ROBO2: variants seen among roughly 807,000 people sequenced by gnomAD.
ROBO2 encodes the protein roundabout guidance receptor 2.
A neutral mutation model predicts 160.8 loss-of-function variants in ROBO2; 53 were observed. The ratio of observed to expected loss-of-function variants is 0.33; its 90% CI spans 0.26 to 0.41. ROBO2 has a LOEUF of 0.41. Among genes scored for constraint, ROBO2 ranks in the 10% least tolerant of loss-of-function variants. The pLI is 1.00. For synonymous variants in ROBO2, 664 were observed against 611.7 expected, an observed-to-expected ratio of 1.09 and a Z score of -1.26; for missense variants, 1,577 against 1,722.4, an observed-to-expected ratio of 0.92 and a Z score of 1.49.
At chr3:75,964,340 G>A (rs1290438762) in intron 2 of ROBO2, among the ~76,000 whole-genome samples, 5 of 151,542 alleles carry the variant, frequency 3.3e-5, no homozygotes, top group South Asian at 2.1e-4. Context: ...TGGTTTTTAC[G>A]TAAAGCTTTT....
intron 2 of ROBO2, among the ~76,000 whole-genome samples, chr3:77,432,375 T>C (rs1455371554): frequency 1.3e-5 from 2 of 152,194 alleles, no homozygotes; most frequent in African/African-American, 4.8e-5. Flanking sequence ...AAACTATTGT[T>C]CGCAATGGGG....
intron 2 of ROBO2, among the ~76,000 whole-genome samples, chr3:77,421,521 C>T (rs181393339): frequency 1.3e-5 from 2 of 152,082 alleles, no homozygotes; most frequent in East Asian, 1.9e-4. Flanking sequence ...GCTCATATAA[C>T]GCCATAGAAA....
At chr3:76,940,065 T>C (rs1184195369) in intron 2 of ROBO2, among the ~76,000 whole-genome samples, 2 of 144,422 alleles carry the variant, frequency 1.4e-5, no homozygotes, top group Non-Finnish European at 3.0e-5. Context: ...CACTGCAAGC[T>C]CCGCCTCCCG....
intron 21 of ROBO2, among the ~76,000 whole-genome samples, chr3:77,613,722 A>G (rs758611810): frequency 6.6e-6 from 1 of 152,204 alleles, no homozygotes; most frequent in Non-Finnish European, 1.5e-5. Context: ...ATGTAACAAA[A>G]CAAGAACAGT....
intron 2 of ROBO2, among the ~76,000 whole-genome samples, chr3:76,800,094 A>C (rs1244186342): frequency 6.6e-6 from 1 of 152,184 alleles, no homozygotes; most frequent in Non-Finnish European, 1.5e-5. Context: ...CATTTTTGAC[A>C]AAGGTGTCAA....
chr3:76,102,356 G>T (rs1224276410), intron 2 of ROBO2, among the ~76,000 whole-genome samples: 2 of 152,186 alleles, frequency 1.3e-5, no homozygotes, highest in Non-Finnish European at 2.9e-5. Flanking sequence ...ACTAGAACAT[G>T]TAAAATTTCG....
chr3:77,023,952 A>G (rs2149518582), intron 2 of ROBO2, among the ~76,000 whole-genome samples: 1 of 152,346 alleles, frequency 6.6e-6, no homozygotes, highest in East Asian at 1.9e-4. Flanking sequence ...TATGCCTTAT[A>G]GTTATAAATA....
intron 2 of ROBO2, among the ~76,000 whole-genome samples, chr3:77,345,538 G>A (rs1270321513): frequency 6.6e-6 from 1 of 151,992 alleles, no homozygotes; most frequent in Non-Finnish European, 1.5e-5. Context: ...CTGAATTGAT[G>A]CCCCCTCCCC....
At chr3:77,643,484 C>G (rs2095376304) in intron 24 of ROBO2, among the ~76,000 whole-genome samples, 2 of 152,140 alleles carry the variant, frequency 1.3e-5, no homozygotes, top group Admixed American at 1.3e-4. Flanking sequence ...GTTAATCTGT[C>G]TATGGGAAAT....
intron 2 of ROBO2, among the ~76,000 whole-genome samples, chr3:77,450,126 A>C (rs944494747): frequency 6.6e-6 from 1 of 152,132 alleles, no homozygotes. Context: ...GATACTCTCT[A>C]GACAGTTTTC....
chr3:77,196,994 A>C (rs575449457), intron 2 of ROBO2, among the ~76,000 whole-genome samples: 147 of 144,618 alleles, frequency 1.0e-3, no homozygotes, highest in Admixed American at 1.9e-3. Flanking sequence ...GTAGAGAAAA[A>C]AAAAACAAGA....
chr3:77,183,679 C>T (rs1696865685), intron 2 of ROBO2, among the ~76,000 whole-genome samples: 1 of 151,956 alleles, frequency 6.6e-6, no homozygotes, highest in Non-Finnish European at 1.5e-5. Flanking sequence ...ATGGCATCCC[C>T]AGCCAACTAC....
At chr3:77,487,676 A>G (rs921574585) in intron 4 of ROBO2, among the ~76,000 whole-genome samples, 2 of 152,154 alleles carry the variant, frequency 1.3e-5, no homozygotes, top group African/African-American at 4.8e-5. Flanking sequence ...TTTAATTGAC[A>G]CTACAGGGTG....
chr3:76,323,399 A>C (rs2072744169), intron 2 of ROBO2, among the ~76,000 whole-genome samples: 1 of 152,190 alleles, frequency 6.6e-6, no homozygotes, highest in Non-Finnish European at 1.5e-5. Context: ...TTAGATGCAT[A>C]CTATTATTTT....
intron 5 of ROBO2, among the ~76,000 whole-genome samples, chr3:77,515,930 C>G (rs1027277861): frequency 2.0e-5 from 3 of 151,586 alleles, no homozygotes; most frequent in African/African-American, 4.8e-5. Context: ...AATATATGAT[C>G]TGTTGGTGTC....
At chr3:76,998,568 T>G (rs1476221730) in intron 2 of ROBO2, among the ~76,000 whole-genome samples, 1 of 152,192 alleles carries the variant, frequency 6.6e-6, no homozygotes. Flanking sequence ...CAACAATTTA[T>G]AGCTATGGAA....
intron 2 of ROBO2, among the ~76,000 whole-genome samples, chr3:77,313,376 A>T (rs983066479): frequency 6.6e-6 from 1 of 152,200 alleles, no homozygotes; most frequent in Non-Finnish European, 1.5e-5. Flanking sequence ...TGTTGGGAAT[A>T]TTCCGTATGG....
At chr3:77,173,875 G>T (rs1160506522) in intron 2 of ROBO2, among the ~76,000 whole-genome samples, 1 of 151,994 alleles carries the variant, frequency 6.6e-6, no homozygotes, top group Non-Finnish European at 1.5e-5. Context: ...TCTTAGAACT[G>T]ACCATCAGGG....
intron 2 of ROBO2, among the ~76,000 whole-genome samples, chr3:76,975,478 C>A (rs984199419): frequency 2.6e-5 from 4 of 152,132 alleles, no homozygotes; most frequent in African/African-American, 9.6e-5. Context: ...GCACTCCAGT[C>A]TGGGCGACAG....
Sources: gnomAD v4.1 joint callset for allele counts (sites outside exome capture counted in the v4.1 genomes callset) on GRCh38, gnomAD v4.1.1 for gene constraint, MANE v1.5 for transcripts, NCBI Gene and HGNC (gene_info 2026-07-23, HGNC 2026-07-21) for gene names.